The following FAF1 variants were observed in gnomAD, a reference collection of about 807,000 sequenced individuals.
FAF1 encodes FAS-associated factor 1.
In FAF1, 25 loss-of-function variants were observed where a neutral mutation model predicts 92.5. The ratio of observed to expected loss-of-function variants is 0.27; its 90% CI spans 0.20 to 0.38. The LOEUF is 0.38. Among genes scored for constraint, FAF1 ranks in the 10% least tolerant of loss-of-function variants. The pLI is 1.00. For synonymous variants in FAF1, 234 were observed against 273.2 expected (o/e 0.86, Z 1.42); for missense variants, 636 against 793.3 (o/e 0.80, Z 2.38).
intron 18 of FAF1, chr1:50,451,861 T>C: frequency 9.7e-7 from 1 of 1,033,416 alleles, no homozygotes; most frequent in Non-Finnish European, 1.2e-6. Context: ...AGATGGACTG[T>C]TTAGTGAAGA....
At chr1:50,957,226 A>G (rs1340057467) in intron 1 of FAF1, among the ~76,000 whole-genome samples, 1 of 152,084 alleles carries the variant, frequency 6.6e-6, no homozygotes, top group South Asian at 2.1e-4. Context: ...TAGGCAAACA[A>G]TTGTTCACTG....
chr1:50,530,713 G>A (rs955762771), intron 15 of FAF1, among the ~76,000 whole-genome samples: 13 of 152,052 alleles, frequency 8.5e-5, no homozygotes, highest in Non-Finnish European at 1.2e-4. Context: ...TGCTTATTTC[G>A]CATTGCATGC....
chr1:50,449,485 CTTTCTT>C (rs1646268733), intron 18 of FAF1, among the ~76,000 whole-genome samples: 4 of 140,018 alleles, frequency 2.9e-5, no homozygotes, highest in African/African-American at 5.3e-5. Context: ...ACAACTTTTT[CTTTCTT>C]TTTTTTTTTT....
chr1:50,545,276 CAT>C (rs367597752), intron 13 of FAF1, among the ~76,000 whole-genome samples: 15 of 150,598 alleles, frequency 1.0e-4, no homozygotes, highest in African/African-American at 1.7e-4. Flanking sequence ...ATTATAGCTA[CAT>C]ATATATATAT....
intron 4 of FAF1, among the ~76,000 whole-genome samples, chr1:50,772,061 A>T (rs1660793235): frequency 6.6e-6 from 1 of 152,214 alleles, no homozygotes; most frequent in East Asian, 1.9e-4. Context: ...AGGTAAGTAT[A>T]ATAGTGAAAA....
intron 3 of FAF1, among the ~76,000 whole-genome samples, chr1:50,796,069 CA>C (rs1557531606): frequency 6.6e-6 from 1 of 150,938 alleles, no homozygotes; most frequent in Non-Finnish European, 1.5e-5. Flanking sequence ...CAAAAAAAAA[CA>C]AAAACAAAAA....
intron 12 of FAF1, among the ~76,000 whole-genome samples, chr1:50,580,107 T>G (rs1162151157): frequency 1.3e-5 from 2 of 152,154 alleles, no homozygotes; most frequent in South Asian, 2.1e-4. Flanking sequence ...AATGTTTCTG[T>G]GCAGTTTAAG....
chr1:50,587,389 T>C (rs1444692854), intron 9 of FAF1, among the ~76,000 whole-genome samples: 1 of 152,224 alleles, frequency 6.6e-6, no homozygotes, highest in Non-Finnish European at 1.5e-5. Context: ...ATTTCAAATA[T>C]GAATTATTGA....
chr1:50,534,109 C>G (rs1648336203), intron 15 of FAF1, among the ~76,000 whole-genome samples: 2 of 152,122 alleles, frequency 1.3e-5, no homozygotes. Context: ...GGGATACTAG[C>G]AGAAGATTAG....
chr1:50,536,219 C>G (rs1648473354), intron 14 of FAF1, among the ~76,000 whole-genome samples: 1 of 152,078 alleles, frequency 6.6e-6, no homozygotes, highest in Non-Finnish European at 1.5e-5. Context: ...TCTTTAATGT[C>G]ATTTTATTCC....
intron 7 of FAF1, among the ~76,000 whole-genome samples, chr1:50,668,413 A>G (rs1655724730): frequency 6.6e-6 from 1 of 152,228 alleles, no homozygotes; most frequent in South Asian, 2.1e-4. Context: ...CTAACTTGCT[A>G]CTTTGCAAGA....
At chr1:50,865,280 C>T (rs1344660713) in intron 1 of FAF1, among the ~76,000 whole-genome samples, 3 of 151,974 alleles carry the variant, frequency 2.0e-5, no homozygotes, top group South Asian at 2.1e-4. Context: ...GACAGTGTGG[C>T]GATTCCTCAG....
At chr1:50,746,737 A>G (rs560410216) in intron 4 of FAF1, among the ~76,000 whole-genome samples, 7 of 152,356 alleles carry the variant, frequency 4.6e-5, no homozygotes, top group Non-Finnish European at 7.3e-5. Flanking sequence ...AAGTAAAGAA[A>G]AGCCAAGTGC....
At chr1:50,545,314 A>T (rs1398416595) in intron 13 of FAF1, among the ~76,000 whole-genome samples, 1 of 152,110 alleles carries the variant, frequency 6.6e-6, no homozygotes, top group Non-Finnish European at 1.5e-5. Flanking sequence ...TTGCTCTGTC[A>T]CCCAGGCTGG....
intron 9 of FAF1, among the ~76,000 whole-genome samples, chr1:50,585,474 T>A (rs1320153590): frequency 6.6e-6 from 1 of 152,176 alleles, no homozygotes; most frequent in Non-Finnish European, 1.5e-5. Context: ...TTCAGCAACA[T>A]CAATTGAAAA....
intron 15 of FAF1, among the ~76,000 whole-genome samples, chr1:50,501,750 C>T (rs750195081): frequency 2.0e-5 from 3 of 151,802 alleles, no homozygotes; most frequent in East Asian, 1.9e-4. Context: ...CTGTTGGGAA[C>T]GTAAAATGGT....
rs138714984 is a variant in FAF1 at position 50,487,453 on chromosome 1, A to C, written c.1653+3135T>G. 1.1e-3 allele frequency among the ~76,000 whole-genome samples: 161 copies of C among 152,186 alleles called. 3 individuals are homozygous for C. In the East Asian group the frequency reaches 0.027, roughly 25 times the overall value. The stretch of plus-strand genomic sequence containing the variant: ...TTATTTCTATATCTACTCTTTCTTA[A>C]TCCCTTTGAATTGCATGTATTCATG... On this transcript the variant is annotated intron_variant, in intron 17 of 18. Coordinates refer to ENST00000396153, the MANE Select transcript of FAF1 (RefSeq NM_007051.3).
At chr1:50,725,800 A>G (rs1001730362) in intron 6 of FAF1, among the ~76,000 whole-genome samples, 3 of 152,206 alleles carry the variant, frequency 2.0e-5, no homozygotes, top group Non-Finnish European at 4.4e-5. Context: ...CAACTATCAC[A>G]GGAGTCCCAT....
At chr1:50,845,785 C>T (rs189841100) in intron 2 of FAF1, among the ~76,000 whole-genome samples, 14 of 152,072 alleles carry the variant, frequency 9.2e-5, no homozygotes, top group East Asian at 1.9e-4. Flanking sequence ...AAACCTCAAA[C>T]GAAACCTAAC....
Sources: allele counts gnomAD v4.1 joint callset (sites outside exome capture counted in the v4.1 genomes callset), GRCh38; gene constraint gnomAD v4.1.1; transcripts MANE v1.5; gene names NCBI Gene and HGNC (gene_info 2026-07-23, HGNC 2026-07-21).